Variants in KMT2C observed in about 807,000 individuals in gnomAD.
KMT2C encodes lysine methyltransferase 2C.
KMT2C carries 88 observed loss-of-function variants against 507.9 expected under a neutral mutation model. That is an observed-to-expected ratio of 0.17 (90% CI 0.15 to 0.21). The LOEUF (loss-of-function observed/expected upper bound fraction) is 0.21. KMT2C is among the 10% of genes least tolerant of loss of function. KMT2C has a pLI of 1.00. For missense variants in KMT2C, 4,954 were observed against 5,957.8 expected, an observed-to-expected ratio of 0.83 and a Z score of 5.55; for synonymous variants, 2,049 against 2,080.8, an observed-to-expected ratio of 0.98 and a Z score of 0.42.
chr7:152,198,597 T>C (rs1384323947), intron 27 of KMT2C, among the ~76,000 whole-genome samples: 1 of 152,182 alleles, frequency 6.6e-6, no homozygotes, highest in Admixed American at 6.5e-5. Flanking sequence ...TTGCTGACAT[T>C]GCTGTAACTC....
chr7:152,369,365 T>A (rs954023659), intron 1 of KMT2C, among the ~76,000 whole-genome samples: 12 of 151,894 alleles, frequency 7.9e-5, no homozygotes, highest in African/African-American at 2.9e-4. Context: ...TGGCAAATTA[T>A]ATTTTGTGTA....
intron 3 of KMT2C, among the ~76,000 whole-genome samples, chr7:152,329,547 G>A (rs1445544029): frequency 6.6e-6 from 1 of 151,474 alleles, no homozygotes; most frequent in African/African-American, 2.4e-5. Flanking sequence ...TCTACCCTGG[G>A]CAACAGAGTA....
chr7:152,252,573 T>G lies in KMT2C; in HGVS notation c.1442A>C (p.Asp481Ala). Residue 481 changes from aspartate to alanine, a missense_variant, in exon 10 of 59, where the codon GAC becomes GCC. Physicochemically the swap from Asp to Ala is moderately radical, Grantham distance 126. This residue lies in a region of KMT2C where 376 missense variants were observed against 352.4 expected (regional missense o/e 1.07). Transcript: ENST00000262189. ...GKCYHPELQK[D>A]MLHCNMCKRW... is the part of the protein sequence containing the mutation. The stretch of plus-strand genomic sequence containing the variant: ...TTTGCACATATTACAATGAAGCATG[T>G]CTTTCTGCAATTCTGGATGATAACA... 1 of 1,613,388 alleles carries G rather than the reference T, an allele frequency of 6.2e-7. No individual in the cohort carries two copies. The highest frequency in any genetic ancestry group is 1.1e-5 in the South Asian group (1 of 91,048).
chr7:152,403,847 C>A (rs199740964), intron 1 of KMT2C, among the ~76,000 whole-genome samples: 4,529 of 57,868 alleles, frequency 0.078, no homozygotes, highest in East Asian at 0.13. Context: ...CATGTTCTCA[C>A]TTATAAGTTG....
intron 23 of KMT2C, among the ~76,000 whole-genome samples, chr7:152,208,894 G>A (rs1405786658): frequency 2.6e-5 from 4 of 152,132 alleles, no homozygotes; most frequent in South Asian, 2.1e-4. Context: ...GGCCAGGCAC[G>A]GTGGCTCATG....
intron 41 of KMT2C, 55 bp downstream of exon 41, chr7:152,169,131 T>TAA: frequency 9.2e-7 from 1 of 1,086,216 alleles, no homozygotes; most frequent in South Asian, 1.2e-5. Flanking sequence ...ACAGCACACA[T>TAA]AGAGTGCAGA....
intron 1 of KMT2C, among the ~76,000 whole-genome samples, chr7:152,432,968 G>A (rs1393665114): frequency 1.3e-5 from 2 of 152,084 alleles, no homozygotes; most frequent in African/African-American, 4.8e-5. Context: ...CCAACATGGT[G>A]AAACCCTGTG....
At position 152,360,216 on chromosome 7, in the gene KMT2C, G is replaced by A. The variant is rs545006915; in HGVS notation, c.162-1541C>T. On this transcript the variant is annotated intron_variant, in intron 1 of 58. Transcript: ENST00000262189. Reference sequence around the variant, plus strand: ...ACCTAGGCCAGGCACAGTAACTCACGCCTGTAATCCTAGTACTTTGGGAGG... The same window carrying A: ...ACCTAGGCCAGGCACAGTAACTCACACCTGTAATCCTAGTACTTTGGGAGG... Among the ~76,000 whole-genome samples, 195 of 151,606 alleles carry A rather than the reference G, an allele frequency of 1.3e-3. 1 individual carries two copies. Among genetic ancestry groups the A allele is most frequent in the Middle Eastern group, 0.01 (3 of 292 alleles).
intron 1 of KMT2C, among the ~76,000 whole-genome samples, chr7:152,392,900 G>GA (rs1275900300): frequency 2.6e-5 from 4 of 152,174 alleles, no homozygotes; most frequent in Admixed American, 1.3e-4. Flanking sequence ...TTTGAAGGAA[G>GA]AAAGGGCAAC....
chr7:152,229,344 G>A (rs985014367), intron 18 of KMT2C, among the ~76,000 whole-genome samples: 3 of 152,110 alleles, frequency 2.0e-5, no homozygotes, highest in African/African-American at 7.2e-5. Context: ...TACAACTAGT[G>A]AAGTATTGAG....
In KMT2C at chr7:152,202,934, T is replaced by C. The variant is rs2129135571; in HGVS notation, c.4092A>G (p.Gln1364=). The C allele has an allele frequency of 1.9e-6, 3 of 1,591,204 alleles. No homozygotes were observed. The highest frequency in any genetic ancestry group is 2.6e-6 in the Non-Finnish European group (3 of 1,163,904). The change falls in exon 26 of 59, where the codon CAA becomes CAG. Residue 1364 remains glutamine, a splice_region_variant and synonymous_variant. Transcript: ENST00000262189. ...AAAATAATGTAAAGCAAAATATTAC[T>C]TGTAAATAGGCAGGGAAAGTTTCTT... ...KLEETFPAYL[Q]EAFFGKDLLD...
In KMT2C at chr7:152,220,655, C is replaced by G. The variant is rs1037513111; in HGVS notation, c.3580G>C (p.Val1194Leu). The part of the protein sequence containing the change: ...MTQLQSLTVT[V>L]PRRKRSKPKL... ...GGTTTTGACCGTTTTCTTCTTGGAA[C>G]TGTAACTGTGAGGCTCTGTAACTGA... Residue 1194 changes from valine (V) to leucine (L), a missense_variant, in exon 23 of 59, where the codon GTT (valine) becomes CTT (leucine). Coordinates refer to ENST00000262189, the MANE Select transcript of KMT2C (RefSeq NM_170606.3). 4 of 1,611,812 alleles carry G rather than the reference C, an allele frequency of 2.5e-6. No individual in the cohort carries two copies. In the South Asian group the frequency reaches 4.4e-5, roughly 18 times the overall value.
At chr7:152,373,312 AC>A (rs1051782805) in intron 1 of KMT2C, among the ~76,000 whole-genome samples, 1 of 152,168 alleles carries the variant, frequency 6.6e-6, no homozygotes, top group African/African-American at 2.4e-5. Flanking sequence ...TCACTGCTGC[AC>A]CCCCAACACC....
chr7:152,173,293 A>G (rs533732651), intron 39 of KMT2C, among the ~76,000 whole-genome samples: 138 of 152,302 alleles, frequency 9.1e-4, no homozygotes, highest in Non-Finnish European at 1.8e-3. Flanking sequence ...TTTTTTATAT[A>G]AAAGTTTTTC....
chr7:152,169,789 C>T (rs2092881045), intron 40 of KMT2C, among the ~76,000 whole-genome samples: 1 of 152,082 alleles, frequency 6.6e-6, no homozygotes, highest in East Asian at 1.9e-4. Context: ...GTGGTAGGAT[C>T]GCTTGAGCCC....
At chr7:152,234,553 C>T (rs1266771000) in intron 16 of KMT2C, among the ~76,000 whole-genome samples, 1 of 152,136 alleles carries the variant, frequency 6.6e-6, no homozygotes, top group Non-Finnish European at 1.5e-5. Context: ...CTGATTCATT[C>T]TATGAAGCTG....
chr7:152,202,685 A>T (rs1030563885), intron 26 of KMT2C, among the ~76,000 whole-genome samples: 4 of 152,188 alleles, frequency 2.6e-5, no homozygotes, highest in Admixed American at 2.0e-4. Context: ...TCCTTGTTAC[A>T]TCTTATAGAA....
intron 2 of KMT2C, among the ~76,000 whole-genome samples, chr7:152,357,970 A>T (rs1158761343): frequency 6.6e-6 from 1 of 152,218 alleles, no homozygotes; most frequent in Non-Finnish European, 1.5e-5. Context: ...TGAAAACTTT[A>T]CCAATGAGAG....
intron 23 of KMT2C, among the ~76,000 whole-genome samples, chr7:152,213,662 T>C (rs2094504789): frequency 6.6e-6 from 1 of 152,042 alleles, no homozygotes; most frequent in Non-Finnish European, 1.5e-5. Flanking sequence ...TGACAATGAT[T>C]TTTTGGATAT....
Sources: allele counts gnomAD v4.1 joint callset (sites outside exome capture counted in the v4.1 genomes callset), GRCh38; gene constraint gnomAD v4.1.1; regional missense constraint gnomAD v4.1.1; transcripts MANE v1.5; gene names NCBI Gene and HGNC (gene_info 2026-07-23, HGNC 2026-07-21).